Variants in RBPMS2 observed in about 807,000 individuals in gnomAD.
The protein encoded by RBPMS2 is RNA-binding protein with multiple splicing 2.
A neutral mutation model predicts 25.7 loss-of-function variants in RBPMS2; 14 were observed. The observed-to-expected ratio is 0.55, with a 90% CI of 0.36 to 0.85. The LOEUF is 0.85. RBPMS2 is among the 40% of genes least tolerant of loss of function. The probability of loss-of-function intolerance (pLI) is 0.01; values close to 1 mark genes in which losing one functional copy is unlikely to be tolerated. For synonymous variants in RBPMS2, 127 were observed against 115.6 expected, an observed-to-expected ratio of 1.10 and a Z score of -0.63; for missense variants, 252 against 283.4, an observed-to-expected ratio of 0.89 and a Z score of 0.80.
intron 1 of RBPMS2, among the ~76,000 whole-genome samples, chr15:64,771,397 C>T (rs1300494370): frequency 6.6e-6 from 1 of 152,202 alleles, no homozygotes; most frequent in Admixed American, 6.5e-5. Context: ...ATAACCTATG[C>T]ACAGGCCGGG....
chr15:64,749,623 A>G, intron 3 of RBPMS2, 130 bp from the exon 4 acceptor site: 1 of 756,840 alleles, frequency 1.3e-6, no homozygotes, highest in Non-Finnish European at 2.0e-6. Context: ...ATACAAAAGG[A>G]AAAAAAGCCC....
chr15:64,750,189 A>G (rs1429864857), intron 3 of RBPMS2, among the ~76,000 whole-genome samples, 154 bp downstream of exon 3: 1 of 152,128 alleles, frequency 6.6e-6, no homozygotes, highest in Middle Eastern at 3.2e-3. Context: ...AGACAGTGGG[A>G]CCTACAGAGG....
At chr15:64,759,349 C>A (rs1205637077) in intron 1 of RBPMS2, among the ~76,000 whole-genome samples, 1 of 152,204 alleles carries the variant, frequency 6.6e-6, no homozygotes, top group Non-Finnish European at 1.5e-5. Context: ...CCTGCCCAGG[C>A]TGCCCAGGTC....
chr15:64,756,440 T>C (rs11633456), intron 1 of RBPMS2, among the ~76,000 whole-genome samples: 131,679 of 151,012 alleles, frequency 0.87, 58,575 homozygotes, highest in East Asian at 0.96. Context: ...CCCTGAACCC[T>C]GGAGAGATGG....
chr15:64,746,636 G>A lies in RBPMS2; in HGVS notation c.567+1783C>T, dbSNP rs144699130. ...AACAGGAGGAAGGAAGCCCTGTGGC[G>A]TGGAGCTCAGGGCCAGAGAGCAGTG... On this transcript the variant is annotated intron_variant, in intron 6 of 7. Transcript: ENST00000300069. Among the ~76,000 whole-genome samples the A allele has an allele frequency of 1.4e-4, 22 of 152,340 alleles. No homozygotes were observed. The East Asian group carries it at 2.9e-3, about 20-fold the overall frequency.
chr15:64,744,184 T>C (rs1412227606), intron 6 of RBPMS2, among the ~76,000 whole-genome samples: 1 of 151,980 alleles, frequency 6.6e-6, no homozygotes, highest in Non-Finnish European at 1.5e-5. Flanking sequence ...AAGCCTCACT[T>C]ATCCGAAATT....
At chr15:64,773,206 T>G (rs2083904553) in intron 1 of RBPMS2, among the ~76,000 whole-genome samples, 2 of 152,170 alleles carry the variant, frequency 1.3e-5, no homozygotes, top group South Asian at 4.1e-4. Flanking sequence ...ACTGACTGCT[T>G]AGGGAGCATC....
chr15:64,774,356 C>T (rs1300653211), intron 1 of RBPMS2, among the ~76,000 whole-genome samples: 1 of 152,220 alleles, frequency 6.6e-6, no homozygotes, highest in Non-Finnish European at 1.5e-5. Flanking sequence ...TCTCCGCCAG[C>T]CTAGCTCCTC....
chr15:64,750,673 GT>G (rs1300025925), intron 2 of RBPMS2, among the ~76,000 whole-genome samples: 2 of 152,178 alleles, frequency 1.3e-5, no homozygotes, highest in African/African-American at 4.8e-5. Context: ...TACCTTTTAA[GT>G]TTTCTCATCT....
At chr15:64,756,648 C>CT (rs532762359) in intron 1 of RBPMS2, among the ~76,000 whole-genome samples, 6,686 of 140,876 alleles carry the variant, frequency 0.047, 168 homozygotes, top group South Asian at 0.075. Context: ...TTTTTCATTT[C>CT]TTTTTTTTTT....
intron 1 of RBPMS2, among the ~76,000 whole-genome samples, chr15:64,758,242 C>T (rs2083751932): frequency 6.6e-6 from 1 of 152,208 alleles, no homozygotes; most frequent in Non-Finnish European, 1.5e-5. Context: ...TCTGCAGAAG[C>T]ATCCAGCAAC....
intron 1 of RBPMS2, among the ~76,000 whole-genome samples, chr15:64,753,232 C>T (rs2083699429): frequency 6.6e-6 from 1 of 152,142 alleles, no homozygotes; most frequent in African/African-American, 2.4e-5. Flanking sequence ...CTGAACTCAC[C>T]GCTGCAGATT....
intron 6 of RBPMS2, among the ~76,000 whole-genome samples, chr15:64,745,425 CTATTATCATCTCCATGA>C (rs1312514726): frequency 3.9e-5 from 6 of 152,138 alleles, no homozygotes; most frequent in Admixed American, 1.3e-4. Flanking sequence ...GAAGTAGATG[CTATTATCATCTCCATGA>C]TACAGATAAG....
intron 1 of RBPMS2, among the ~76,000 whole-genome samples, chr15:64,760,742 C>A (rs959354082): frequency 6.6e-6 from 1 of 151,720 alleles, no homozygotes; most frequent in Admixed American, 6.6e-5. Flanking sequence ...ACAGAGGTTG[C>A]ACTGAGCCGA....
Position 64,745,939 on chromosome 15 carries a change from C to T in RBPMS2, c.567+2480G>A, listed in dbSNP as rs572976417. Among the ~76,000 whole-genome samples, 30 of 152,292 alleles carry T rather than the reference C, an allele frequency of 2.0e-4. No homozygotes were observed. The South Asian group carries it at 3.5e-3, about 18-fold the overall frequency. On this transcript the variant is annotated intron_variant, in intron 6 of 7. Coordinates refer to ENST00000300069, the MANE Select transcript of RBPMS2 (RefSeq NM_194272.3). Reference sequence around the variant, plus strand: ...TGCTACCTTCTCCTGAAGTCACCTCCTTGCCCCCAGGCACAGAAAAACTCA... The same window carrying T: ...TGCTACCTTCTCCTGAAGTCACCTCTTTGCCCCCAGGCACAGAAAAACTCA...
chr15:64,740,926 G>C lies in RBPMS2; in HGVS notation c.*82C>G. 2.3e-6 allele frequency: 1 copy of C among 443,270 alleles called. No individual in the cohort carries two copies. Among genetic ancestry groups the C allele is most frequent in the Non-Finnish European group, 4.1e-6 (1 of 241,236 alleles). 27.5% of individuals were successfully genotyped at this position (443,270 alleles called of 1,614,324 possible). ...GGCAGCAGCTCTGTGCAGGCCGCCCGGGGGCAGTGGGAACTCGGGGCGCCT... is the reference window on the plus strand; with the variant it reads ...GGCAGCAGCTCTGTGCAGGCCGCCCCGGGGCAGTGGGAACTCGGGGCGCCT... On this transcript the variant is annotated 3_prime_UTR_variant, in exon 8 of 8. Coordinates refer to ENST00000300069, the MANE Select transcript of RBPMS2 (RefSeq NM_194272.3).
chr15:64,758,441 C>T (rs1241923877), intron 1 of RBPMS2, among the ~76,000 whole-genome samples: 6 of 152,352 alleles, frequency 3.9e-5, no homozygotes, highest in African/African-American at 1.4e-4. Context: ...ATTCTGAGAA[C>T]TCAGTCAAAG....
intron 6 of RBPMS2, among the ~76,000 whole-genome samples, chr15:64,747,726 C>G (rs1273839825): frequency 1.3e-5 from 2 of 152,208 alleles, no homozygotes; most frequent in East Asian, 3.9e-4. Flanking sequence ...GAAAGCCTGA[C>G]TCCCTGCCTG....
At position 64,748,518 on chromosome 15, in the gene RBPMS2, G is replaced by A. The variant is rs779873002; in HGVS notation, c.468C>T (p.Ala156=). Residue 156 remains alanine (A), a synonymous_variant, in exon 6 of 8, where the codon GCC becomes GCT. Coordinates refer to ENST00000300069, the MANE Select transcript of RBPMS2 (RefSeq NM_194272.3). ...ALIPASPEAW[A]PYPLYTTELT... is the part of the protein sequence containing the mutation. Reference sequence around the variant, plus strand: ...GCTCTGTGGTGTACAAAGGGTAGGGGGCCCAGGCCTCTGGGGATGCAGGGA... The same window carrying A: ...GCTCTGTGGTGTACAAAGGGTAGGGAGCCCAGGCCTCTGGGGATGCAGGGA... 1.3e-5 allele frequency: 21 copies of A among 1,608,472 alleles called. No individual in the cohort carries two copies. The South Asian group carries it at 2.2e-4, about 17-fold the overall frequency.
Sources: gnomAD v4.1 joint callset for allele counts (sites outside exome capture counted in the v4.1 genomes callset) on GRCh38, gnomAD v4.1.1 for gene constraint, MANE v1.5 for transcripts, NCBI Gene and HGNC (gene_info 2026-07-23, HGNC 2026-07-21) for gene names.